CDH11: variants seen among roughly 807,000 people sequenced by gnomAD.
CDH11 encodes cadherin 11.
In CDH11, 11 loss-of-function variants were observed where a neutral mutation model predicts 67.8. The observed-to-expected ratio is 0.16, with a 90% CI of 0.10 to 0.27. CDH11 has a LOEUF of 0.27. CDH11 is among the 10% of genes least tolerant of loss of function. The pLI is 1.00. For synonymous variants in CDH11, 419 were observed against 400.0 expected (o/e 1.05, Z -0.57); for missense variants, 847 against 1,031.2 (o/e 0.82, Z 2.45).
chr16:64,983,801 C>A (rs1346910574), intron 7 of CDH11, among the ~76,000 whole-genome samples: 1 of 152,166 alleles, frequency 6.6e-6, no homozygotes, highest in East Asian at 1.9e-4. Flanking sequence ...ATTGCTGCAA[C>A]TTCTAAAAAA....
chr16:64,948,787 C>T, intron 12 of CDH11: 2 of 1,590,872 alleles, frequency 1.3e-6, no homozygotes, highest in Non-Finnish European at 1.7e-6. Flanking sequence ...GCTTGGGCAA[C>T]CTAGGAGGGG....
intron 2 of CDH11, chr16:65,006,734 C>A (rs1232262094): frequency 6.6e-6 from 1 of 152,164 alleles, no homozygotes; most frequent in Non-Finnish European, 1.5e-5. Context: ...TTAGCTGTGT[C>A]CCCACCCAAA....
At position 65,109,142 on chromosome 16, in the gene CDH11, G is replaced by C. The variant is rs117368534; in HGVS notation, c.-298+12738C>G. On this transcript the variant is annotated intron_variant, in intron 1 of 12. Transcript: ENST00000268603. ...AGCCTGGGTGATAGAGTGAGACTCT[G>C]TTTCGAAAAAAAAAGAAATTGAAAT... 0.014 allele frequency among the ~76,000 whole-genome samples: 2,066 copies of C among 151,264 alleles called. 117 individuals carry two copies. The East Asian group carries it at 0.2, about 15-fold the overall frequency.
chr16:65,098,436 T>C (rs915228694), intron 1 of CDH11, among the ~76,000 whole-genome samples: 2 of 152,156 alleles, frequency 1.3e-5, no homozygotes, highest in Admixed American at 1.3e-4. Context: ...ATGTAATACA[T>C]GTGCTGTTGG....
chr16:65,029,231 C>T (rs1236154242), intron 2 of CDH11, among the ~76,000 whole-genome samples: 1 of 152,006 alleles, frequency 6.6e-6, no homozygotes, highest in African/African-American at 2.4e-5. Flanking sequence ...AGAATATTGG[C>T]TTTTTGACAT....
intron 1 of CDH11, among the ~76,000 whole-genome samples, chr16:65,100,512 G>A (rs1464770115): frequency 6.6e-6 from 1 of 152,114 alleles, no homozygotes; most frequent in Non-Finnish European, 1.5e-5. Flanking sequence ...GCCGAGGCAG[G>A]CAGATCACGA....
At chr16:65,054,816 G>A (rs755373244) in intron 1 of CDH11, among the ~76,000 whole-genome samples, 15 of 152,148 alleles carry the variant, frequency 9.9e-5, no homozygotes, top group Non-Finnish European at 2.2e-4. Flanking sequence ...TGCATTAGGG[G>A]CTTAAACAGC....
chr16:64,952,295 C>A (rs1477162459), intron 11 of CDH11, among the ~76,000 whole-genome samples: 2 of 152,220 alleles, frequency 1.3e-5, no homozygotes, highest in African/African-American at 4.8e-5. Context: ...ACTCTTCTGT[C>A]ATGATTTGTT....
intron 1 of CDH11, among the ~76,000 whole-genome samples, chr16:65,098,385 A>G (rs1327270767): frequency 6.6e-6 from 1 of 152,166 alleles, no homozygotes; most frequent in Non-Finnish European, 1.5e-5. Flanking sequence ...CAGCAAGGAA[A>G]TATGGGAGCA....
At chr16:65,102,872 A>G (rs2075015529) in intron 1 of CDH11, among the ~76,000 whole-genome samples, 1 of 152,222 alleles carries the variant, frequency 6.6e-6, no homozygotes, top group Non-Finnish European at 1.5e-5. Context: ...AAATGCAGGA[A>G]GATGGTTTAA....
chr16:64,991,564 C>A, intron 6 of CDH11: 1 of 500,666 alleles, frequency 2.0e-6, no homozygotes, highest in Non-Finnish European at 3.6e-6. Context: ...TACATCTTTT[C>A]ATTCTCCTAC....
At chr16:64,956,085 C>G (rs1158474192) in intron 11 of CDH11, among the ~76,000 whole-genome samples, 1 of 152,140 alleles carries the variant, frequency 6.6e-6, no homozygotes, top group African/African-American at 2.4e-5. Context: ...ATAGAGACTT[C>G]CTAGATCTTT....
chr16:65,012,050 T>C (rs572112504), intron 2 of CDH11, among the ~76,000 whole-genome samples: 1 of 152,354 alleles, frequency 6.6e-6, no homozygotes, highest in South Asian at 2.1e-4. Flanking sequence ...CTCCAATATG[T>C]AGACTGTTCT....
At chr16:65,122,145 C>CG, upstream of CDH11, 2 of 120,058 alleles carry the variant, frequency 1.7e-5, no homozygotes, top group South Asian at 1.0e-4. Context: ...GCGGGGGGGG[C>CG]GGGAGGAGGG....
chr16:64,977,990 G>A (rs1042693403), intron 8 of CDH11, among the ~76,000 whole-genome samples: 4 of 152,088 alleles, frequency 2.6e-5, no homozygotes, highest in African/African-American at 9.7e-5. Flanking sequence ...TATTTTCTTT[G>A]ATATAAATGG....
Position 64,947,836 on chromosome 16 carries a change from A to G in CDH11, c.2158T>C (p.Phe720Leu), listed in dbSNP as rs766239509. 6.2e-7 allele frequency: 1 copy of G among 1,613,930 alleles called. No homozygotes were observed. Among genetic ancestry groups the G allele is most frequent in the Non-Finnish European group, 8.5e-7 (1 of 1,179,796 alleles). The part of the protein sequence containing the change: ...PAPNSVDVDD[F>L]INTRIQEADN... ...GCCTCCTGTATTCTCGTGTTGATGA[A>G]GTCATCGACATCCACGCTGTTGGGC... The change falls in exon 13 of 13, where the codon TTC (phenylalanine) becomes CTC (leucine). Residue 720 changes from phenylalanine (F) to leucine (L), a missense_variant. This residue lies in a region of CDH11 where 612 missense variants were observed against 678.7 expected (regional missense o/e 0.90). Transcript: ENST00000268603.
At chr16:64,951,046 C>T (rs971498235) in intron 11 of CDH11, 28 bp from the exon 12 acceptor site, 3 of 1,602,614 alleles carry the variant, frequency 1.9e-6, no homozygotes, top group South Asian at 1.1e-5. Flanking sequence ...ACAGGCCGTG[C>T]GCCCAGTCAA....
At chr16:65,008,171 T>C (rs2073101124) in intron 2 of CDH11, among the ~76,000 whole-genome samples, 1 of 152,270 alleles carries the variant, frequency 6.6e-6, no homozygotes. Context: ...ACTAGAAGTG[T>C]TGAAACAAGA....
chr16:65,023,386 C>A (rs1448037255), intron 2 of CDH11, among the ~76,000 whole-genome samples: 1 of 152,206 alleles, frequency 6.6e-6, no homozygotes, highest in Non-Finnish European at 1.5e-5. Flanking sequence ...GTCTACATTG[C>A]CTCTTCATTG....
Sources: gnomAD v4.1 joint callset for allele counts (sites outside exome capture counted in the v4.1 genomes callset) on GRCh38, gnomAD v4.1.1 for gene constraint, gnomAD v4.1.1 regional missense constraint, MANE v1.5 for transcripts, NCBI Gene and HGNC (gene_info 2026-07-23, HGNC 2026-07-21) for gene names.